Variants in KCNB2 observed in about 807,000 individuals in gnomAD.
KCNB2 encodes potassium voltage-gated channel subfamily B member 2.
A neutral mutation model predicts 61.5 loss-of-function variants in KCNB2; 15 were observed. That is an observed-to-expected ratio of 0.24 (90% CI 0.16 to 0.38). KCNB2 has a LOEUF of 0.38. Ranked by LOEUF, KCNB2 falls within the 10% of genes least tolerant of loss-of-function variation. KCNB2 has a pLI of 1.00. For missense variants in KCNB2, 828 were observed against 1,125.2 expected (o/e 0.74, Z 3.78); for synonymous variants, 457 against 446.0 (o/e 1.02, Z -0.31).
intron 2 of KCNB2, among the ~76,000 whole-genome samples, chr8:72,850,369 G>A (rs1179858137): frequency 6.6e-6 from 1 of 151,994 alleles, no homozygotes; most frequent in Admixed American, 6.6e-5. Flanking sequence ...ACAGGTGCCT[G>A]ACACAATGCC....
rs886185743 is a variant in KCNB2, at chr8:72,843,833, T to C, written c.580-92102T>C. 9.9e-5 allele frequency among the ~76,000 whole-genome samples: 15 copies of C among 152,198 alleles called. No homozygotes were observed. The East Asian group carries it at 2.9e-3, about 29-fold the overall frequency. ...TTTATTTTGAGCCTATGTATGTCTT[T>C]GAACGTGAGATGGGTCTCCTGAATA... On this transcript the variant is annotated intron_variant, in intron 2 of 2. Transcript: ENST00000523207.
At chr8:72,823,992 T>C (rs1222071375) in intron 2 of KCNB2, among the ~76,000 whole-genome samples, 1 of 152,164 alleles carries the variant, frequency 6.6e-6, no homozygotes, top group Non-Finnish European at 1.5e-5. Flanking sequence ...ACAATCACAA[T>C]AAGCCTTTTT....
chr8:72,725,541 G>GTATA (rs1484909320), intron 2 of KCNB2, among the ~76,000 whole-genome samples: 23,143 of 72,270 alleles, frequency 0.32, 4,157 homozygotes, highest in African/African-American at 0.39. Flanking sequence ...ATATATATAT[G>GTATA]TGTGTATATA....
intron 2 of KCNB2, among the ~76,000 whole-genome samples, chr8:72,744,305 T>A (rs1025788554): frequency 3.3e-5 from 5 of 152,174 alleles, no homozygotes; most frequent in African/African-American, 1.2e-4. Flanking sequence ...ATGAGTATTG[T>A]GCATTTCCTA....
intron 2 of KCNB2, among the ~76,000 whole-genome samples, chr8:72,710,865 G>T (rs912776223): frequency 6.6e-6 from 1 of 152,170 alleles, no homozygotes; most frequent in Non-Finnish European, 1.5e-5. Flanking sequence ...GGATTAGAAG[G>T]CCTCTCAAGG....
intron 2 of KCNB2, among the ~76,000 whole-genome samples, chr8:72,635,904 C>T (rs1585798456): frequency 1.3e-5 from 2 of 152,182 alleles, no homozygotes; most frequent in Non-Finnish European, 2.9e-5. Context: ...GCCCTACTAC[C>T]TACTCGTTGT....
At chr8:72,747,394 G>T (rs1307902355) in intron 2 of KCNB2, among the ~76,000 whole-genome samples, 2 of 152,112 alleles carry the variant, frequency 1.3e-5, no homozygotes. Flanking sequence ...GAGGTGGTTG[G>T]GGGTATGGGC....
Position 72,656,678 on chromosome 8 carries a change from A to T in KCNB2, c.579+88365A>T, listed in dbSNP as rs141680354. ...TCGTTTTCTAAGCCTTGTGGTTTAA[A>T]GCCTTCACATTATATTCATAGGAAG... On this transcript the variant is annotated intron_variant, in intron 2 of 2. Coordinates refer to ENST00000523207, the MANE Select transcript of KCNB2 (RefSeq NM_004770.3). Among the ~76,000 whole-genome samples the T allele has an allele frequency of 4.6e-5, 7 of 152,328 alleles. No homozygotes were observed. In the East Asian group the frequency reaches 1.2e-3, roughly 25 times the overall value.
intron 2 of KCNB2, among the ~76,000 whole-genome samples, chr8:72,846,557 C>A (rs1383270569): frequency 1.3e-5 from 2 of 149,166 alleles, no homozygotes; most frequent in African/African-American, 2.5e-5. Context: ...AACAAATTTA[C>A]AAAAAAAAAG....
chr8:72,560,786 A>G (rs181653685), intron 1 of KCNB2, among the ~76,000 whole-genome samples: 5 of 152,254 alleles, frequency 3.3e-5, no homozygotes, highest in Non-Finnish European at 5.9e-5. Context: ...ATAATTCAAT[A>G]TTATATTTTT....
intron 2 of KCNB2, among the ~76,000 whole-genome samples, chr8:72,673,200 G>A (rs1806593796): frequency 6.6e-6 from 1 of 152,176 alleles, no homozygotes; most frequent in Admixed American, 6.6e-5. Flanking sequence ...GTGAAGTGTG[G>A]TGATATGGTT....
intron 2 of KCNB2, chr8:72,660,499 A>G (rs973003647): frequency 1.3e-5 from 2 of 152,194 alleles, no homozygotes; most frequent in Non-Finnish European, 2.9e-5. Context: ...AAGCCCTACC[A>G]AATACCTCAT....
intron 2 of KCNB2, among the ~76,000 whole-genome samples, chr8:72,864,156 A>G (rs1805469695): frequency 6.6e-6 from 1 of 152,094 alleles, no homozygotes; most frequent in Non-Finnish European, 1.5e-5. Flanking sequence ...ATTCAAACCA[A>G]TTGTACTTCC....
chr8:72,657,541 A>G (rs1410134997), intron 2 of KCNB2, among the ~76,000 whole-genome samples: 1 of 152,156 alleles, frequency 6.6e-6, no homozygotes, highest in Non-Finnish European at 1.5e-5. Context: ...AAACTAGTAA[A>G]GGAAGGAAAT....
chr8:72,825,743 G>A (rs1209635906), intron 2 of KCNB2, among the ~76,000 whole-genome samples: 1 of 152,044 alleles, frequency 6.6e-6, no homozygotes. Flanking sequence ...TAATTGCATT[G>A]TTTGGTTTTT....
chr8:72,929,300 C>T (rs1043028081), intron 2 of KCNB2, among the ~76,000 whole-genome samples: 5 of 152,154 alleles, frequency 3.3e-5, no homozygotes, highest in African/African-American at 9.7e-5. Flanking sequence ...TTACTTCCTC[C>T]CACAAACAGA....
chr8:72,568,443 T>C, intron 2 of KCNB2, 130 bp downstream of exon 2: 1 of 753,836 alleles, frequency 1.3e-6, no homozygotes, highest in Non-Finnish European at 2.1e-6. Flanking sequence ...AGTGAAAAAA[T>C]CCTTTCCAAA....
chr8:72,868,958 C>T (rs1805575528), intron 2 of KCNB2, among the ~76,000 whole-genome samples: 1 of 152,128 alleles, frequency 6.6e-6, no homozygotes, highest in South Asian at 2.1e-4. Flanking sequence ...CCAAAGTCCT[C>T]ATTTATCAAA....
intron 2 of KCNB2, among the ~76,000 whole-genome samples, chr8:72,606,908 G>T (rs1442296446): frequency 6.6e-6 from 1 of 152,166 alleles, no homozygotes; most frequent in African/African-American, 2.4e-5. Context: ...ATGGGCTGGA[G>T]GCTAGAGAAA....
Sources: allele counts gnomAD v4.1 joint callset (sites outside exome capture counted in the v4.1 genomes callset), GRCh38; gene constraint gnomAD v4.1.1; transcripts MANE v1.5; gene names NCBI Gene and HGNC (gene_info 2026-07-23, HGNC 2026-07-21).